TRPM5: variants seen among roughly 807,000 people sequenced by gnomAD.
The protein encoded by TRPM5 is transient receptor potential cation channel subfamily M member 5.
Under a neutral mutation model 124.9 loss-of-function variants are expected in TRPM5, and 121 were observed. The ratio of observed to expected loss-of-function variants is 0.97; its 90% CI spans 0.84 to 1.13. TRPM5 has a LOEUF of 1.13. TRPM5 is among the 50% of genes most tolerant of loss of function. The pLI is 0.00. For missense variants in TRPM5, 1,643 were observed against 1,589.1 expected (o/e 1.03, Z -0.58); for synonymous variants, 781 against 700.5 (o/e 1.11, Z -1.81).
exon 18 of TRPM5, chr11:2,411,362 G>A (rs34458397): frequency 3.8e-4 from 616 of 1,602,934 alleles, no homozygotes; most frequent in Non-Finnish European, 4.9e-4. Context: ...CATCAATCTC[G>A]TCCAGTGGGA....
At chr11:2,423,036 TG>T in exon 1 of TRPM5, 1 of 1,609,968 alleles carries the variant, frequency 6.2e-7, no homozygotes. Flanking sequence ...ACATCCTGCA[TG>T]GTGGCCTCTA....
At position 2,419,508 on chromosome 11, in the gene TRPM5, C is replaced by T. The variant is rs184868847; in HGVS notation, c.649+714G>A. 8.6e-3 allele frequency among the ~76,000 whole-genome samples: 1,294 copies of T among 150,914 alleles called. 19 individuals are homozygous for T. The highest frequency in any genetic ancestry group is 0.031 in the African/African-American group (1,254 of 41,074). ...GCACATGCCTATAATCCCAGCTACC[C>T]GGGAGGCTGAGGCAGGAGAATTGTT... is the stretch of plus-strand genomic sequence containing the variant. On this transcript the variant is annotated intron_variant, in intron 4 of 23. Coordinates refer to ENST00000155858, the Ensembl canonical transcript of TRPM5.
exon 14 of TRPM5, chr11:2,413,223 C>A (rs569925579): frequency 1.4e-5 from 21 of 1,547,384 alleles, no homozygotes; most frequent in Non-Finnish European, 1.8e-5. Context: ...GGGGAGCTTC[C>A]TCACTGCGAG....
the TRPM5 span, among the ~76,000 whole-genome samples, chr11:2,430,584 G>C: frequency 1.3e-5 from 2 of 151,944 alleles, no homozygotes; most frequent in Non-Finnish European, 2.9e-5. Flanking sequence ...GATGGTGACG[G>C]TGTTGATGGT....
At chr11:2,420,744 C>G (rs1284316098) in intron 3 of TRPM5, among the ~76,000 whole-genome samples, 1 of 152,334 alleles carries the variant, frequency 6.6e-6, no homozygotes, top group African/African-American at 2.4e-5. Context: ...TCGGTAGTGC[C>G]TTAGACAGAC....
chr11:2,440,156 G>GA, the TRPM5 span, among the ~76,000 whole-genome samples: 35,257 of 152,042 alleles, frequency 0.23, 6,349 homozygotes, highest in African/African-American at 0.49. The surrounding 1 kb of genome is among the most constrained non-coding windows in gnomAD (Gnocchi z 5.2). Flanking sequence ...TAGACATAGA[G>GA]GGACAACAAT....
chr11:2,425,441 C>T (rs558286918), upstream of TRPM5, among the ~76,000 whole-genome samples: 4 of 152,336 alleles, frequency 2.6e-5, no homozygotes, highest in South Asian at 2.1e-4. Flanking sequence ...ATTGCCCAGG[C>T]CCGCCCTACC....
chr11:2,410,972 G>A (rs1229164618), intron 18 of TRPM5, among the ~76,000 whole-genome samples: 1 of 152,108 alleles, frequency 6.6e-6, no homozygotes, highest in Admixed American at 6.5e-5. Context: ...ACAGCCTTTG[G>A]GCCCACTCTG....
At chr11:2,427,116 G>A (rs1176326121), upstream of TRPM5, among the ~76,000 whole-genome samples, 3 of 152,176 alleles carry the variant, frequency 2.0e-5, no homozygotes, top group East Asian at 1.9e-4. Flanking sequence ...TCACCCCAGT[G>A]GGGCCGGCCC....
chr11:2,434,838 G>T, the TRPM5 span, among the ~76,000 whole-genome samples: 1 of 152,164 alleles, frequency 6.6e-6, no homozygotes, highest in African/African-American at 2.4e-5. Context: ...CCAGGGGAGA[G>T]AAGTCGTTTC....
At chr11:2,414,007 T>G in intron 12 of TRPM5, 54 bp downstream of exon 17, 1 of 1,072,596 alleles carries the variant, frequency 9.3e-7, no homozygotes, top group Non-Finnish European at 1.4e-6. Flanking sequence ...TGGGCCCAGC[T>G]CGCCCGCCCA....
chr11:2,407,142 G>A lies in TRPM5; in HGVS notation c.3095C>T (p.Ala1032Val), dbSNP rs773743731. 6 of 1,604,992 alleles carry A rather than the reference G, an allele frequency of 3.7e-6. No homozygotes were observed. In the South Asian group the frequency reaches 6.7e-5, roughly 18 times the overall value. ...ACCCAGGTGCTCCCGCTTGTGCTCA[G>A]CCTCCTTCTTGAAGACCCGGCGGAG... Residue 1032 changes from alanine to valine, a missense_variant, in exon 20 of 24, where the codon GCT becomes GTT. Physicochemically the swap from Ala to Val is moderately conservative, Grantham distance 64. Transcript: ENST00000155858.
intron 18 of TRPM5, 27 bp downstream of exon 23, chr11:2,411,325 C>A (rs1291552820): frequency 2.0e-6 from 3 of 1,537,046 alleles, no homozygotes; most frequent in Middle Eastern, 1.7e-4. Flanking sequence ...TTCTCCCTGC[C>A]CCTGCCCCCG....
At chr11:2,442,640 T>C in the TRPM5 span, among the ~76,000 whole-genome samples, 2,865 of 152,346 alleles carry the variant, frequency 0.019, 81 homozygotes, top group African/African-American at 0.066. The surrounding 1 kb of genome is among the most constrained non-coding windows in gnomAD (Gnocchi z 5.9). Flanking sequence ...GTGGGGTTTC[T>C]GTGTCAAATG....
the TRPM5 span, among the ~76,000 whole-genome samples, chr11:2,429,109 A>G: frequency 4.1e-5 from 6 of 145,954 alleles, 1 homozygote; most frequent in African/African-American, 1.5e-4. This position sits in a 1 kb window ranked among gnomAD's most constrained non-coding sequence, Gnocchi z 8.4. Context: ...AGTAATGATG[A>G]TGGTGGTGGT....
chr11:2,412,744 G>A lies in TRPM5; in HGVS notation c.2355+10C>T. ...GAGTGGAGGGGACCTAGGCTAGTGT[G>A]GCCACCGACCTGCCGGATTTCCTCC... is the stretch of plus-strand genomic sequence containing the variant. On this transcript the variant is annotated intron_variant, in intron 15 of 23. Transcript: ENST00000155858. 6.3e-7 allele frequency: 1 copy of A among 1,581,944 alleles called. No homozygotes were observed. Among genetic ancestry groups the A allele is most frequent in the Non-Finnish European group, 8.6e-7 (1 of 1,163,954 alleles).
chr11:2,406,169 G>A, intron 21 of TRPM5, 78 bp from the exon 27 acceptor site: 9 of 1,523,710 alleles, frequency 5.9e-6, no homozygotes, highest in African/African-American at 1.4e-5. Flanking sequence ...ATCCCCCCAG[G>A]CCTCCCTGTG....
chr11:2,423,041 G>A (rs1273369277), exon 1 of TRPM5: 2 of 1,607,238 alleles, frequency 1.2e-6, no homozygotes, highest in Non-Finnish European at 1.7e-6. Context: ...CTGCATGGTG[G>A]CCTCTAGAGC....
intron 12 of TRPM5, 38 bp downstream of exon 17, chr11:2,414,022 AC>A (rs35133344): frequency 7.0e-6 from 2 of 284,696 alleles, no homozygotes; most frequent in South Asian, 2.1e-5. Flanking sequence ...CGCCCACCCC[AC>A]CCCCTGGCAG....
Sources: allele counts gnomAD v4.1 joint callset (sites outside exome capture counted in the v4.1 genomes callset), GRCh38; gene constraint gnomAD v4.1.1; non-coding constraint Gnocchi (gnomAD v3.1); transcripts MANE v1.5; gene names NCBI Gene and HGNC (gene_info 2026-07-23, HGNC 2026-07-21).